Variants in DLGAP2 observed in about 807,000 individuals in gnomAD.
DLGAP2 encodes the protein DLG associated protein 2, also known as disks large-associated protein 2.
Under a neutral mutation model 100.3 loss-of-function variants are expected in DLGAP2, and 26 were observed. That is an observed-to-expected ratio of 0.26 (90% CI 0.19 to 0.36). The LOEUF (loss-of-function observed/expected upper bound fraction) is 0.36. Among genes scored for constraint, DLGAP2 ranks in the 10% least tolerant of loss-of-function variants. The pLI, the probability that DLGAP2 is intolerant of heterozygous loss-of-function variation, is 1.00. For synonymous variants in DLGAP2, 886 were observed against 630.1 expected, an observed-to-expected ratio of 1.41 and a Z score of -6.08; for missense variants, 1,858 against 1,453.2, an observed-to-expected ratio of 1.28 and a Z score of -4.53.
chr8:999,714 C>T (rs1800888629), intron 2 of DLGAP2, among the ~76,000 whole-genome samples: 3 of 152,142 alleles, frequency 2.0e-5, no homozygotes, highest in South Asian at 4.1e-4. Context: ...CTCTTGACCT[C>T]GTGATCCACC....
Position 1,615,463 on chromosome 8 carries a change from C to A in DLGAP2, c.1443-11277C>A, listed in dbSNP as rs1344640111. On this transcript the variant is annotated intron_variant, in intron 6 of 14. Transcript: ENST00000637795. ...AAAAACTGATGTGCTCAAAACGAAG[C>A]CTGAGAAGACCCCGATGGTAGAACT... Among the ~76,000 whole-genome samples, 8 of 152,134 alleles carry A rather than the reference C, an allele frequency of 5.3e-5. No individual in the cohort carries two copies. In the East Asian group the frequency reaches 1.5e-3, roughly 29 times the overall value.
chr8:1,524,734 G>A lies in DLGAP2; in HGVS notation c.172+23303G>A, dbSNP rs549123777. On this transcript the variant is annotated intron_variant, in intron 4 of 14. Coordinates refer to ENST00000637795, the MANE Select transcript of DLGAP2 (RefSeq NM_001346810.2). ...ACAAGTGACGTCACACAGTGAGAGG[G>A]ACACAGTCATCGGACCAGCTTACAG... 2.0e-5 allele frequency among the ~76,000 whole-genome samples: 3 copies of A among 152,184 alleles called. No individual in the cohort carries two copies. The South Asian group carries it at 6.2e-4, about 32-fold the overall frequency.
At chr8:1,392,817 G>T (rs1796400698) in intron 3 of DLGAP2, among the ~76,000 whole-genome samples, 1 of 151,058 alleles carries the variant, frequency 6.6e-6, no homozygotes, top group Admixed American at 6.6e-5. Flanking sequence ...GGGCATCTGT[G>T]ATTGGACTTT....
At chr8:1,287,983 TGA>T (rs1370302818) in intron 3 of DLGAP2, among the ~76,000 whole-genome samples, 5 of 41,028 alleles carry the variant, frequency 1.2e-4, no homozygotes, top group Admixed American at 2.8e-4. Flanking sequence ...TAGTTTCGGT[TGA>T]GTGTGTGTGT....
intron 8 of DLGAP2, among the ~76,000 whole-genome samples, chr8:1,652,882 G>A (rs749766812): frequency 5.9e-5 from 9 of 152,204 alleles, no homozygotes; most frequent in East Asian, 3.9e-4. Context: ...TCCCATCAGC[G>A]TTCGTATCTC....
At chr8:1,446,495 C>G (rs1301771062) in intron 3 of DLGAP2, among the ~76,000 whole-genome samples, 1 of 152,070 alleles carries the variant, frequency 6.6e-6, no homozygotes, top group African/African-American at 2.4e-5. Context: ...GTTACTGTTG[C>G]CTTGTAGTAT....
chr8:1,633,535 G>A (rs932025119), intron 8 of DLGAP2, among the ~76,000 whole-genome samples: 12 of 152,140 alleles, frequency 7.9e-5, no homozygotes, highest in Non-Finnish European at 1.2e-4. Context: ...TTAGAGCTCC[G>A]AAGACTCAGT....
chr8:1,220,811 T>G (rs1178394305), intron 2 of DLGAP2, among the ~76,000 whole-genome samples: 1 of 152,240 alleles, frequency 6.6e-6, no homozygotes, highest in Non-Finnish European at 1.5e-5. Flanking sequence ...ATATTTAGTT[T>G]TGTTAAGCCT....
intron 1 of DLGAP2, among the ~76,000 whole-genome samples, chr8:885,399 G>C (rs1376707374): frequency 6.6e-6 from 1 of 152,186 alleles, no homozygotes; most frequent in East Asian, 1.9e-4. Flanking sequence ...TTGTGAATGG[G>C]AGTTCACTCA....
intron 2 of DLGAP2, among the ~76,000 whole-genome samples, chr8:976,198 GATA>G (rs1800158464): frequency 6.6e-6 from 1 of 152,122 alleles, no homozygotes; most frequent in Non-Finnish European, 1.5e-5. Context: ...ACATTTTCAC[GATA>G]ATAAGTACAA....
intron 2 of DLGAP2, among the ~76,000 whole-genome samples, chr8:987,089 G>A (rs547121883): frequency 7.9e-5 from 12 of 152,240 alleles, no homozygotes; most frequent in Non-Finnish European, 1.2e-4. Context: ...CCAAACTCCC[G>A]TCTTTTTTCC....
At chr8:1,377,168 T>C (rs1160941347) in intron 3 of DLGAP2, among the ~76,000 whole-genome samples, 1 of 152,184 alleles carries the variant, frequency 6.6e-6, no homozygotes, top group Non-Finnish European at 1.5e-5. Flanking sequence ...TGTCCCTACC[T>C]GGCCCCTCCA....
chr8:1,335,139 C>G (rs148155000), intron 3 of DLGAP2, among the ~76,000 whole-genome samples: 1 of 152,314 alleles, frequency 6.6e-6, no homozygotes, highest in African/African-American at 2.4e-5. Flanking sequence ...GGTTGAGTCA[C>G]TGCCCAGATA....
intron 3 of DLGAP2, among the ~76,000 whole-genome samples, chr8:1,434,555 C>T (rs751434430): frequency 6.6e-6 from 1 of 152,090 alleles, no homozygotes; most frequent in Non-Finnish European, 1.5e-5. Context: ...TGGCTCACTG[C>T]AGGCTCAACC....
At chr8:1,652,195 C>T (rs6983621) in intron 8 of DLGAP2, among the ~76,000 whole-genome samples, 84,740 of 152,058 alleles carry the variant, frequency 0.56, 24,218 homozygotes, top group African/African-American at 0.69. Flanking sequence ...GGAGATTGGG[C>T]TTTACGCACA....
At chr8:1,410,176 C>A (rs1264748537) in intron 3 of DLGAP2, among the ~76,000 whole-genome samples, 1 of 152,172 alleles carries the variant, frequency 6.6e-6, no homozygotes, top group Admixed American at 6.5e-5. Context: ...GCTGAGGAGA[C>A]TGCAAGCTTC....
At chr8:1,354,922 CGG>C (rs1563101829) in intron 3 of DLGAP2, among the ~76,000 whole-genome samples, 40 of 133,176 alleles carry the variant, frequency 3.0e-4, no homozygotes, top group Middle Eastern at 3.7e-3. Context: ...TGGAAAGTCA[CGG>C]ATGATGCTGC....
intron 1 of DLGAP2, among the ~76,000 whole-genome samples, chr8:777,628 A>G (rs983539538): frequency 6.6e-6 from 1 of 152,192 alleles, no homozygotes; most frequent in Non-Finnish European, 1.5e-5. Context: ...TTGGCTGGAT[A>G]TGAAATTCTG....
intron 2 of DLGAP2, among the ~76,000 whole-genome samples, chr8:1,060,013 G>A (rs550473763): frequency 3.2e-4 from 48 of 152,304 alleles, no homozygotes; most frequent in Non-Finnish European, 5.0e-4. Flanking sequence ...GCAAGTGGTC[G>A]CTGGGATGGC....
Sources: allele counts gnomAD v4.1 joint callset (sites outside exome capture counted in the v4.1 genomes callset), GRCh38; gene constraint gnomAD v4.1.1; transcripts MANE v1.5; gene names NCBI Gene and HGNC (gene_info 2026-07-23, HGNC 2026-07-21).